Variants in GPR176 observed in about 807,000 individuals in gnomAD.
GPR176 encodes the protein G protein-coupled receptor 176, also known as G-protein coupled receptor 176.
GPR176 carries 26 observed loss-of-function variants against 35.4 expected under a neutral mutation model. That is an observed-to-expected ratio of 0.74 (90% CI 0.54 to 1.02). The LOEUF is 1.02. GPR176 is among the 50% of genes least tolerant of loss of function. The pLI is 0.00. For synonymous variants in GPR176, 278 were observed against 271.3 expected (o/e 1.02, Z -0.24); for missense variants, 597 against 665.3 (o/e 0.90, Z 1.13).
chr15:39,912,617 C>CAA (rs150704404), intron 1 of GPR176, among the ~76,000 whole-genome samples: 15 of 70,456 alleles, frequency 2.1e-4, no homozygotes, highest in African/African-American at 4.8e-4. Context: ...GACCCTGTCT[C>CAA]AAAAAAAAAA....
intron 1 of GPR176, among the ~76,000 whole-genome samples, chr15:39,836,479 G>A (rs1901406055): frequency 6.6e-6 from 1 of 152,104 alleles, no homozygotes; most frequent in African/African-American, 2.4e-5. Context: ...CTCCCCAGAA[G>A]CAGATGTTGG....
At chr15:39,833,296 C>T (rs1338028191) in intron 1 of GPR176, among the ~76,000 whole-genome samples, 1 of 152,064 alleles carries the variant, frequency 6.6e-6, no homozygotes, top group Non-Finnish European at 1.5e-5. Context: ...ATGGTATAAT[C>T]ATACAATGAA....
chr15:39,883,747 C>T lies in GPR176; in HGVS notation c.172+36108G>A, dbSNP rs143288861. 2.6e-4 allele frequency among the ~76,000 whole-genome samples: 39 copies of T among 152,188 alleles called. No individual in the cohort carries two copies. In the East Asian group the frequency reaches 6.8e-3, roughly 26 times the overall value. ...CTTCATAGGTCTAAAGGTCCTGGAA[C>T]GTTCACCATGTAATTATTTTCCTTT... On this transcript the variant is annotated intron_variant, in intron 1 of 2. Transcript: ENST00000561100.
At chr15:39,873,610 G>A (rs981656808) in intron 1 of GPR176, among the ~76,000 whole-genome samples, 28 of 134,916 alleles carry the variant, frequency 2.1e-4, no homozygotes, top group Non-Finnish European at 3.4e-4. Context: ...CCATGGGCTA[G>A]TTTTTCTTTT....
intron 1 of GPR176, among the ~76,000 whole-genome samples, chr15:39,808,937 G>A (rs992800484): frequency 2.0e-5 from 3 of 152,156 alleles, no homozygotes; most frequent in African/African-American, 4.8e-5. Flanking sequence ...TAACAGGCAC[G>A]TTGGTACAGT....
intron 1 of GPR176, among the ~76,000 whole-genome samples, chr15:39,918,545 T>C (rs1313082989): frequency 6.6e-6 from 1 of 152,156 alleles, no homozygotes; most frequent in Admixed American, 6.5e-5. Context: ...AGTGTGACAA[T>C]ACTCAGAATT....
chr15:39,870,684 A>C (rs1192662578), intron 1 of GPR176, among the ~76,000 whole-genome samples: 2 of 152,040 alleles, frequency 1.3e-5, no homozygotes, highest in Non-Finnish European at 2.9e-5. Context: ...GGGACCTGCG[A>C]GTATGATGGG....
At chr15:39,824,957 C>G (rs1341499512) in intron 1 of GPR176, among the ~76,000 whole-genome samples, 1 of 152,160 alleles carries the variant, frequency 6.6e-6, no homozygotes, top group Non-Finnish European at 1.5e-5. Flanking sequence ...GTAATCCCAG[C>G]ACTTTGGGAG....
At chr15:39,903,053 A>T (rs760936154) in intron 1 of GPR176, among the ~76,000 whole-genome samples, 2 of 152,220 alleles carry the variant, frequency 1.3e-5, no homozygotes, top group Non-Finnish European at 2.9e-5. Flanking sequence ...TCAACACTTC[A>T]TTATAAAATA....
intron 2 of GPR176, among the ~76,000 whole-genome samples, 180 bp downstream of exon 2, chr15:39,806,826 G>A (rs886907492): frequency 6.6e-6 from 1 of 152,146 alleles, no homozygotes; most frequent in East Asian, 1.9e-4. Context: ...TTCCATGGCT[G>A]TTGCTAAATC....
chr15:39,894,716 G>A (rs1290274537), intron 1 of GPR176, among the ~76,000 whole-genome samples: 1 of 151,818 alleles, frequency 6.6e-6, no homozygotes, highest in Non-Finnish European at 1.5e-5. Context: ...GCCGGGCGGA[G>A]ACGCTCCTCA....
intron 1 of GPR176, among the ~76,000 whole-genome samples, chr15:39,830,149 CTTAA>C (rs1363790069): frequency 6.6e-6 from 1 of 152,102 alleles, no homozygotes; most frequent in African/African-American, 2.4e-5. Context: ...ATTTTTCTGA[CTTAA>C]TTAAGAGTTA....
At chr15:39,897,608 T>TTC in intron 1 of GPR176, among the ~76,000 whole-genome samples, 1 of 142,324 alleles carries the variant, frequency 7.0e-6, no homozygotes, top group African/African-American at 2.7e-5. Flanking sequence ...TATTTTTTTT[T>TTC]TTTTTTTTTT....
intron 1 of GPR176, among the ~76,000 whole-genome samples, chr15:39,857,392 T>C (rs1484268713): frequency 6.6e-6 from 1 of 152,088 alleles, no homozygotes; most frequent in Non-Finnish European, 1.5e-5. Context: ...AAAAAGGAAA[T>C]ACGGCTGGGC....
intron 1 of GPR176, chr15:39,909,998 G>A (rs1221675710): frequency 5.4e-6 from 2 of 368,904 alleles, no homozygotes; most frequent in East Asian, 3.3e-4. Context: ...AGGAGGATCT[G>A]TTGTCTGCAA....
chr15:39,907,648 G>A (rs1412482352), intron 1 of GPR176, among the ~76,000 whole-genome samples: 1 of 152,138 alleles, frequency 6.6e-6, no homozygotes, highest in Non-Finnish European at 1.5e-5. Context: ...AAACATTCAG[G>A]AAAACTGAAG....
chr15:39,804,926 G>A lies in GPR176; in HGVS notation c.425+2080C>T, dbSNP rs185970595. Among the ~76,000 whole-genome samples, 52 of 152,242 alleles carry A rather than the reference G, an allele frequency of 3.4e-4. 1 individual carries two copies. The highest frequency in any genetic ancestry group is 1.5e-5 in the Non-Finnish European group (1 of 68,018). Reference sequence around the variant, plus strand: ...AGAGAGTAGATTCATAGTTGTTTATGGTCTGGGGATGGGCACAAGGAGTGA... The same window carrying A: ...AGAGAGTAGATTCATAGTTGTTTATAGTCTGGGGATGGGCACAAGGAGTGA... On this transcript the variant is annotated intron_variant, in intron 2 of 2. Transcript: ENST00000561100.
intron 1 of GPR176, among the ~76,000 whole-genome samples, chr15:39,858,368 T>G (rs1453307781): frequency 2.0e-5 from 3 of 151,998 alleles, no homozygotes; most frequent in Admixed American, 1.3e-4. Flanking sequence ...AATACAAAAC[T>G]GTTCTATGAA....
chr15:39,834,432 G>C (rs773312741), intron 1 of GPR176, among the ~76,000 whole-genome samples: 3 of 152,164 alleles, frequency 2.0e-5, no homozygotes, highest in Non-Finnish European at 4.4e-5. Flanking sequence ...TTAAGGATGA[G>C]CAAGCCCTAT....
Sources: gnomAD v4.1 joint callset for allele counts (sites outside exome capture counted in the v4.1 genomes callset) on GRCh38, gnomAD v4.1.1 for gene constraint, MANE v1.5 for transcripts, NCBI Gene and HGNC (gene_info 2026-07-23, HGNC 2026-07-21) for gene names.